Variants in HARS1 observed in about 807,000 individuals in gnomAD.
HARS1 encodes histidine--tRNA ligase, cytoplasmic.
A neutral mutation model predicts 63.6 loss-of-function variants in HARS1; 45 were observed. That is an observed-to-expected ratio of 0.71 (90% confidence interval 0.56 to 0.91). The LOEUF is 0.91. HARS1 is among the 40% of genes least tolerant of loss of function. The pLI, the probability that HARS1 is intolerant of heterozygous loss-of-function variation, is 0.00. For missense variants in HARS1, 508 were observed against 643.2 expected, an observed-to-expected ratio of 0.79 and a Z score of 2.27; for synonymous variants, 205 against 247.1, an observed-to-expected ratio of 0.83 and a Z score of 1.60.
At position 140,676,811 on chromosome 5, in the gene HARS1, T is replaced by C. The variant is rs777707690; in HGVS notation, c.1037A>G (p.Gln346Arg). ...YEAVLLQTPA[Q>R]AGEEPLGVGS... ...CACACCCAGGGGCTCTTCCCCTGCC[T>C]GGGCTGGGGTCTGTAGCAGCACTGC... The change falls in exon 10 of 13, where the codon CAG becomes CGG. Residue 346 changes from glutamine (Q) to arginine (R), a missense_variant. Physicochemically the swap from Gln to Arg is conservative, Grantham distance 43 (BLOSUM62 1). This residue lies in a region of HARS1 where 403 missense variants were observed against 548.7 expected (regional missense o/e 0.73). Transcript: ENST00000504156. This position sits in a 1 kb window ranked among gnomAD's most constrained non-coding sequence, Gnocchi z 4.1. The C allele has an allele frequency of 3.1e-6, 5 of 1,614,112 alleles. No homozygotes were observed. The Admixed American group carries it at 8.3e-5, about 27-fold the overall frequency.
intron 3 of HARS1, among the ~76,000 whole-genome samples, chr5:140,681,268 A>G (rs1405027199): frequency 6.6e-6 from 1 of 152,142 alleles, no homozygotes; most frequent in African/African-American, 2.4e-5. Context: ...TAGGGTCTTT[A>G]AAGAGATGAT....
chr5:140,684,321 A>G, intron 2 of HARS1: 4 of 978,582 alleles, frequency 4.1e-6, no homozygotes, highest in Non-Finnish European at 4.9e-6. Flanking sequence ...AAACCCAACC[A>G]AACAAACAAA....
At chr5:140,684,343 CA>C (rs1758903340) in intron 2 of HARS1, 2 of 982,610 alleles carry the variant, frequency 2.0e-6, no homozygotes, top group Non-Finnish European at 2.4e-6. Flanking sequence ...ATAATAACAA[CA>C]AAAAAATACC....
At position 140,676,962 on chromosome 5, in the gene HARS1, A is replaced by G; in HGVS notation, c.951+27T>C. 1 of 1,614,246 alleles carries G rather than the reference A, an allele frequency of 6.2e-7. No homozygotes were observed. The highest frequency in any genetic ancestry group is 2.2e-5 in the East Asian group (1 of 44,888). On this transcript the variant is annotated intron_variant, in intron 9 of 12. Transcript: ENST00000504156. The surrounding 1 kb of genome is among the most constrained non-coding windows in gnomAD (Gnocchi z 4.1). ...GGGACCTGAAGCCCCAGAGCTCAGAAGGGATCCCGTCCCCAACTTGACTCA... is the reference window on the plus strand; with the variant it reads ...GGGACCTGAAGCCCCAGAGCTCAGAGGGGATCCCGTCCCCAACTTGACTCA...
rs1487603486 is a variant in HARS1 at position 140,673,929 on chromosome 5, AC to A, written c.*327del. On this transcript the variant is annotated 3_prime_UTR_variant, in exon 13 of 13. Coordinates refer to ENST00000504156, the MANE Select transcript of HARS1 (RefSeq NM_002109.6). ...CTCCGTGGTTGAGGCATTTTATTGG[AC>A]CTTTGGCAATTGGTGGTGGGGAGGC... 1 of 557,828 alleles carries A rather than the reference AC, an allele frequency of 1.8e-6. No individual in the cohort carries two copies. The highest frequency in any genetic ancestry group is 3.1e-5 in the Admixed American group (1 of 32,184). 34.6% of individuals were successfully genotyped at this position (557,828 alleles called of 1,614,324 possible). A position where few individuals can be genotyped will look rare whatever the true frequency, so the allele number is the denominator to read the frequency against.
intron 2 of HARS1, among the ~76,000 whole-genome samples, chr5:140,689,769 A>G (rs1759264424): frequency 6.6e-6 from 1 of 152,224 alleles, no homozygotes; most frequent in African/African-American, 2.4e-5. Context: ...AGTTGGTGTA[A>G]TAACAAATAT....
chr5:140,678,834 A>G (rs1442952568), intron 5 of HARS1, 168 bp downstream of exon 5: 1 of 639,812 alleles, frequency 1.6e-6, no homozygotes, highest in African/African-American at 1.9e-5. Flanking sequence ...ACAGAGCGAG[A>G]CTCCGTCTCA....
intron 2 of HARS1, chr5:140,684,532 C>T: frequency 2.4e-6 from 1 of 420,438 alleles, no homozygotes; most frequent in African/African-American, 2.2e-5. Flanking sequence ...ATAAATTTTA[C>T]AGATGAAGTA....
chr5:140,688,076 C>A (rs1759144658), intron 2 of HARS1: 1 of 152,236 alleles, frequency 6.6e-6, no homozygotes. Flanking sequence ...TGCACTCCAG[C>A]CTGGGCGACA....
Position 140,675,079 on chromosome 5 carries a change from G to A in HARS1, c.1249C>T (p.Gln417Ter), listed in dbSNP as rs866572603. 8.7e-6 allele frequency: 14 copies of A among 1,613,528 alleles called. No homozygotes were observed. In the East Asian group the frequency reaches 2.9e-4, roughly 33 times the overall value. ...TETQVLVASAQKKLLEERLKL... is the reference protein window; with the variant it reads ...TETQVLVASA ...AGTCTTTCCTCTAGCAGCTTCTTCT[G>A]TGCAGATGCCACAAGCACCTGTGTC... is the stretch of plus-strand genomic sequence containing the variant. Residue 417 changes from glutamine (Q) to a stop codon, truncating the protein, a stop_gained, in exon 11 of 13, where the codon CAG becomes TAG. Transcript: ENST00000504156. LOFTEE classifies it high-confidence loss of function.
At chr5:140,687,168 G>C (rs1430051060) in intron 2 of HARS1, among the ~76,000 whole-genome samples, 1 of 152,216 alleles carries the variant, frequency 6.6e-6, no homozygotes, top group East Asian at 1.9e-4. Context: ...TGCTTTATGT[G>C]TACTTCCCAT....
chr5:140,680,282 G>A (rs1477276668), intron 3 of HARS1, among the ~76,000 whole-genome samples: 2 of 151,882 alleles, frequency 1.3e-5, no homozygotes, highest in Non-Finnish European at 2.9e-5. Context: ...GAGTGGCTGC[G>A]ACTACAGGCG....
chr5:140,685,931 C>CTTT (rs895539158), intron 2 of HARS1, among the ~76,000 whole-genome samples: 1 of 137,872 alleles, frequency 7.3e-6, no homozygotes, highest in African/African-American at 2.7e-5. Context: ...TCAAGAAAGT[C>CTTT]TTTTTTTTTT....
At position 140,679,003 on chromosome 5, in the gene HARS1, C is replaced by A; in HGVS notation, c.521G>T (p.Cys174Phe). 1 of 1,613,790 alleles carries A rather than the reference C, an allele frequency of 6.2e-7. No individual in the cohort carries two copies. The highest frequency in any genetic ancestry group is 2.2e-5 in the East Asian group (1 of 44,890). ...TRGRYREFYQ[C>F]DFDIAGNFDP... ...GCCCCACGGTTTCCCAACACTCACA[C>A]ACTGGTAGAATTCCCGGTATCGGCC... Residue 174 changes from cysteine to phenylalanine, a missense_variant and splice_region_variant, in exon 5 of 13, where the codon TGT becomes TTT. Cys to Phe is a radical substitution (Grantham distance 205). Around this residue, in one of 2 missense-constraint regions of HARS1, gnomAD observed 403 missense variants for 548.7 expected, o/e 0.73. Coordinates refer to ENST00000504156, the MANE Select transcript of HARS1 (RefSeq NM_002109.6). The surrounding 1 kb of genome is among the most constrained non-coding windows in gnomAD (Gnocchi z 4.3).
chr5:140,681,364 C>T (rs549580498), intron 3 of HARS1, among the ~76,000 whole-genome samples: 2 of 152,090 alleles, frequency 1.3e-5, no homozygotes, highest in East Asian at 1.9e-4. Context: ...AGAGGGAAGA[C>T]GATGTAAAGA....
In HARS1 at chr5:140,679,683, G is replaced by C; in HGVS notation, c.396+105C>G. The C allele has an allele frequency of 1.7e-6, 1 of 580,032 alleles. No homozygotes were observed. The highest frequency in any genetic ancestry group is 3.1e-6 in the Non-Finnish European group (1 of 321,118). 35.9% of individuals were successfully genotyped at this position (580,032 alleles called of 1,614,324 possible). A position where few individuals can be genotyped will look rare whatever the true frequency, so the allele number is the denominator to read the frequency against. ...GTTTAGAGAAATAATTCCCCTAATC[G>C]CCAAAGGCCTCATATTTGATCCTAC... On this transcript the variant is annotated intron_variant, in intron 4 of 12. Transcript: ENST00000504156. The surrounding 1 kb of genome is among the most constrained non-coding windows in gnomAD (Gnocchi z 4.3).
At position 140,676,981 on chromosome 5, in the gene HARS1, T is replaced by G. The variant is rs761161172; in HGVS notation, c.951+8A>C. 1.9e-6 allele frequency: 3 copies of G among 1,614,226 alleles called. No homozygotes were observed. The highest frequency in any genetic ancestry group is 2.5e-6 in the Non-Finnish European group (3 of 1,180,030). ...CTCAGAAGGGATCCCGTCCCCAACT[T>G]GACTCACTTTGTCATCAATGCCAAA... On this transcript the variant is annotated splice_region_variant and intron_variant, in intron 9 of 12. Coordinates refer to ENST00000504156, the MANE Select transcript of HARS1 (RefSeq NM_002109.6). The surrounding 1 kb of genome is among the most constrained non-coding windows in gnomAD (Gnocchi z 4.1).
Position 140,676,789 on chromosome 5 carries a change from A to G in HARS1, c.1059T>C (p.Gly353=), listed in dbSNP as rs769806690. The change falls in exon 10 of 13, where the codon GGT becomes GGC. Residue 353 remains glycine, a synonymous_variant. Coordinates refer to ENST00000504156, the MANE Select transcript of HARS1 (RefSeq NM_002109.6). This position sits in a 1 kb window ranked among gnomAD's most constrained non-coding sequence, Gnocchi z 4.1. ...GTCCTCCAGCAGCCACACTGCCCACACCCAGGGGCTCTTCCCCTGCCTGGG... is the reference window on the plus strand; with the variant it reads ...GTCCTCCAGCAGCCACACTGCCCACGCCCAGGGGCTCTTCCCCTGCCTGGG... ...TPAQAGEEPL[G]VGSVAAGGRY... 1.2e-5 allele frequency: 19 copies of G among 1,614,004 alleles called. No homozygotes were observed. Among genetic ancestry groups the G allele is most frequent in the Middle Eastern group, 1.6e-4 (1 of 6,084 alleles).
At position 140,679,683 on chromosome 5, in the gene HARS1, G is replaced by A. The variant is rs1758602220; in HGVS notation, c.396+105C>T. 6.9e-6 allele frequency: 4 copies of A among 579,912 alleles called. No individual in the cohort carries two copies. Among genetic ancestry groups the A allele is most frequent in the East Asian group, 6.0e-5 (2 of 33,296 alleles). The allele number at this position is 579,912 out of a possible 1,614,324, so 35.9% of individuals were successfully genotyped here. A position where few individuals can be genotyped will look rare whatever the true frequency, so the allele number is the denominator to read the frequency against. On this transcript the variant is annotated intron_variant, in intron 4 of 12. Transcript: ENST00000504156. This position sits in a 1 kb window ranked among gnomAD's most constrained non-coding sequence, Gnocchi z 4.3. ...GTTTAGAGAAATAATTCCCCTAATC[G>A]CCAAAGGCCTCATATTTGATCCTAC...
Sources: allele counts gnomAD v4.1 joint callset (sites outside exome capture counted in the v4.1 genomes callset), GRCh38; gene constraint gnomAD v4.1.1; regional missense constraint gnomAD v4.1.1; non-coding constraint Gnocchi (gnomAD v3.1); transcripts MANE v1.5; gene names NCBI Gene and HGNC (gene_info 2026-07-23, HGNC 2026-07-21).